SPAG16: variants seen among roughly 807,000 people sequenced by gnomAD.
SPAG16 encodes the protein sperm-associated antigen 16 protein.
Under a neutral mutation model 80.4 loss-of-function variants are expected in SPAG16, and 86 were observed. That is an observed-to-expected ratio of 1.07 (90% confidence interval 0.90 to 1.28). The LOEUF is 1.28. Ranked by LOEUF, SPAG16 falls within the 50% of genes most tolerant of loss-of-function variation. The probability of loss-of-function intolerance (pLI) is 0.00; values close to 1 mark genes in which losing one functional copy is unlikely to be tolerated. For synonymous variants in SPAG16, 294 were observed against 265.9 expected, an observed-to-expected ratio of 1.11 and a Z score of -1.03; for missense variants, 870 against 765.3, an observed-to-expected ratio of 1.14 and a Z score of -1.61.
At chr2:213,954,915 CGTT>C (rs1253487089) in intron 12 of SPAG16, among the ~76,000 whole-genome samples, 1 of 152,026 alleles carries the variant, frequency 6.6e-6, no homozygotes, top group South Asian at 2.1e-4. Flanking sequence ...CTGATAGTAA[CGTT>C]GTGTTTTCCA....
chr2:214,101,779 A>C (rs1374486726), intron 13 of SPAG16, among the ~76,000 whole-genome samples: 1 of 152,188 alleles, frequency 6.6e-6, no homozygotes, highest in East Asian at 1.9e-4. Flanking sequence ...GAATTACAAT[A>C]GTACCTATCT....
rs183708799 is a variant in SPAG16 at position 213,292,213 on chromosome 2, G to A, written c.137-3851G>A. On this transcript the variant is annotated intron_variant, in intron 1 of 15. Transcript: ENST00000331683. ...CTTCTTTTTGAAATTATTATGATGT[G>A]AACATGGTGAAGGATGGCATTGCTT... Among the ~76,000 whole-genome samples, 416 of 152,202 alleles carry A rather than the reference G, an allele frequency of 2.7e-3. 2 individuals are homozygous for A. Among genetic ancestry groups the A allele is most frequent in the African/African-American group, 8.6e-3 (358 of 41,524 alleles).
At chr2:213,299,308 T>TG (rs2126080183) in intron 3 of SPAG16, among the ~76,000 whole-genome samples, 1 of 148,442 alleles carries the variant, frequency 6.7e-6, no homozygotes, top group East Asian at 1.9e-4. Flanking sequence ...ATGATTTCCT[T>TG]TTTTTTTTTT....
At chr2:213,928,410 A>G (rs912063770) in intron 11 of SPAG16, among the ~76,000 whole-genome samples, 1 of 151,916 alleles carries the variant, frequency 6.6e-6, no homozygotes, top group Non-Finnish European at 1.5e-5. Context: ...ATTCTTTTCT[A>G]ACTCAAATGA....
At chr2:213,898,053 G>A (rs1268860885) in intron 11 of SPAG16, among the ~76,000 whole-genome samples, 2 of 152,012 alleles carry the variant, frequency 1.3e-5, no homozygotes, top group African/African-American at 2.4e-5. Flanking sequence ...TTTGGCAAAC[G>A]GCCTTAGTTT....
rs534072381 is a variant in SPAG16, at chr2:213,616,245, A to G, written c.1070+126155A>G. ...ATGTGAACTCACTTTCTGATGTTCTATGATTGAAAAGAAACATGCTTCCAC... is the reference window on the plus strand; with the variant it reads ...ATGTGAACTCACTTTCTGATGTTCTGTGATTGAAAAGAAACATGCTTCCAC... On this transcript the variant is annotated intron_variant, in intron 10 of 15. Coordinates refer to ENST00000331683, the MANE Select transcript of SPAG16 (RefSeq NM_024532.5). Among the ~76,000 whole-genome samples the G allele has an allele frequency of 4.6e-5, 7 of 152,338 alleles. No homozygotes were observed. In the East Asian group the frequency reaches 7.7e-4, roughly 17 times the overall value.
At chr2:213,676,733 C>A (rs1322975933) in intron 10 of SPAG16, among the ~76,000 whole-genome samples, 38 of 150,574 alleles carry the variant, frequency 2.5e-4, no homozygotes, top group African/African-American at 9.1e-4. Context: ...GGGATGAAGC[C>A]CACTTGATCA....
At chr2:214,025,920 G>C (rs1053701685) in intron 13 of SPAG16, among the ~76,000 whole-genome samples, 1 of 151,422 alleles carries the variant, frequency 6.6e-6, no homozygotes, top group South Asian at 2.1e-4. Flanking sequence ...GTAAACTTCT[G>C]TAAAAGATTT....
chr2:214,188,750 T>G (rs1271849561), intron 15 of SPAG16, among the ~76,000 whole-genome samples: 2 of 152,180 alleles, frequency 1.3e-5, no homozygotes, highest in East Asian at 3.9e-4. Flanking sequence ...GAACTGCTAT[T>G]TTTCAAATTT....
chr2:213,858,392 A>C (rs2075270369), intron 10 of SPAG16, among the ~76,000 whole-genome samples: 1 of 152,230 alleles, frequency 6.6e-6, no homozygotes. Flanking sequence ...AAGACCCTCC[A>C]CCAGCAGAAA....
At chr2:213,993,377 A>G (rs2046370968) in intron 12 of SPAG16, among the ~76,000 whole-genome samples, 1 of 152,220 alleles carries the variant, frequency 6.6e-6, no homozygotes. Flanking sequence ...AGTCATTTCA[A>G]CAGGACTGCT....
chr2:214,050,796 T>G (rs2049603145), intron 13 of SPAG16, among the ~76,000 whole-genome samples: 2 of 152,168 alleles, frequency 1.3e-5, no homozygotes, highest in South Asian at 2.1e-4. Flanking sequence ...TTTCTTCTCC[T>G]GAGTTATCAG....
chr2:214,059,070 G>A (rs1348990253), intron 13 of SPAG16, among the ~76,000 whole-genome samples: 1 of 151,146 alleles, frequency 6.6e-6, no homozygotes, highest in Non-Finnish European at 1.5e-5. Context: ...TATCTTGCTC[G>A]GGAGGCTGAG....
chr2:213,446,366 A>G (rs1280179411), intron 9 of SPAG16, among the ~76,000 whole-genome samples: 1 of 152,220 alleles, frequency 6.6e-6, no homozygotes, highest in Non-Finnish European at 1.5e-5. Context: ...GAAGAGTTTA[A>G]AGATGGCATA....
intron 15 of SPAG16, among the ~76,000 whole-genome samples, chr2:214,402,734 G>A (rs1190330112): frequency 2.0e-5 from 3 of 151,814 alleles, no homozygotes; most frequent in South Asian, 4.1e-4. Context: ...TACATTGGAT[G>A]GTCTCCAGAA....
At chr2:214,119,798 G>T (rs1354220358) in intron 14 of SPAG16, among the ~76,000 whole-genome samples, 1 of 151,988 alleles carries the variant, frequency 6.6e-6, no homozygotes, top group Non-Finnish European at 1.5e-5. Flanking sequence ...GGGAAAGTGT[G>T]TGGGTAGTAA....
chr2:213,653,692 A>G (rs905198308), intron 10 of SPAG16, among the ~76,000 whole-genome samples: 1 of 152,226 alleles, frequency 6.6e-6, no homozygotes, highest in African/African-American at 2.4e-5. Flanking sequence ...AAAGTATAGT[A>G]GCTTTGAATT....
intron 10 of SPAG16, among the ~76,000 whole-genome samples, chr2:213,675,956 AATCTAT>A (rs1364518663): frequency 1.3e-5 from 2 of 152,082 alleles, no homozygotes; most frequent in African/African-American, 4.8e-5. Context: ...GATGGCATTG[AATCTAT>A]AAATTACCTT....
chr2:214,135,789 ACTGGCTCCC>A (rs1329668981), intron 14 of SPAG16, among the ~76,000 whole-genome samples: 3 of 151,426 alleles, frequency 2.0e-5, no homozygotes, highest in African/African-American at 7.3e-5. Context: ...CTCTGCACAC[ACTGGCTCCC>A]CTTGCCTTCT....
Sources: allele counts gnomAD v4.1 joint callset (sites outside exome capture counted in the v4.1 genomes callset), GRCh38; gene constraint gnomAD v4.1.1; transcripts MANE v1.5; gene names NCBI Gene and HGNC (gene_info 2026-07-23, HGNC 2026-07-21).